MYO9A: variants seen among roughly 807,000 people sequenced by gnomAD.
The protein encoded by MYO9A is myosin IXA.
Under a neutral mutation model 293.3 loss-of-function variants are expected in MYO9A, and 103 were observed. The observed-to-expected ratio is 0.35, with a 90% CI of 0.30 to 0.41. The LOEUF is 0.41. Among genes scored for constraint, MYO9A ranks in the 10% least tolerant of loss-of-function variants. MYO9A has a pLI of 1.00. For synonymous variants in MYO9A, 1,001 were observed against 1,035.7 expected (o/e 0.97, Z 0.64); for missense variants, 2,685 against 3,033.0 (o/e 0.89, Z 2.69).
intron 27 of MYO9A, among the ~76,000 whole-genome samples, chr15:71,886,816 T>C (rs1596110015): frequency 6.6e-6 from 1 of 152,258 alleles, no homozygotes; most frequent in East Asian, 1.9e-4. Context: ...ATATATAATC[T>C]ATTATTTCCA....
chr15:71,871,967 A>AC (rs1274323675), intron 32 of MYO9A, among the ~76,000 whole-genome samples: 5 of 151,834 alleles, frequency 3.3e-5, no homozygotes, highest in African/African-American at 1.2e-4. Context: ...CTGGAATAAC[A>AC]CCAAAAAACT....
chr15:71,855,289 C>G (rs545945523), intron 34 of MYO9A, among the ~76,000 whole-genome samples: 5 of 152,304 alleles, frequency 3.3e-5, no homozygotes, highest in African/African-American at 7.2e-5. Flanking sequence ...GCACATGACA[C>G]CACGCCCAGC....
chr15:72,037,470 A>G (rs181732235), intron 2 of MYO9A, among the ~76,000 whole-genome samples: 15 of 152,208 alleles, frequency 9.9e-5, no homozygotes, highest in Admixed American at 4.6e-4. Context: ...GTAAGCAGGA[A>G]GTAAAAGGTA....
chr15:72,043,881 A>C (rs1222086805), intron 2 of MYO9A, among the ~76,000 whole-genome samples: 5 of 151,978 alleles, frequency 3.3e-5, no homozygotes, highest in Non-Finnish European at 4.4e-5. Flanking sequence ...AAGACAACAA[A>C]GTAATATTAC....
intron 1 of MYO9A, among the ~76,000 whole-genome samples, chr15:72,089,726 A>AG (rs1435751757): frequency 2.0e-5 from 3 of 152,212 alleles, no homozygotes; most frequent in Admixed American, 6.5e-5. Flanking sequence ...GGCTACAGTG[A>AG]GCCATGATCT....
At chr15:71,930,198 A>C (rs1182542883) in intron 18 of MYO9A, among the ~76,000 whole-genome samples, 1 of 152,116 alleles carries the variant, frequency 6.6e-6, no homozygotes, top group Non-Finnish European at 1.5e-5. Context: ...AATGTTCTGT[A>C]TATGTCTATT....
chr15:72,107,553 C>A (rs2080615953), intron 1 of MYO9A, among the ~76,000 whole-genome samples: 1 of 151,338 alleles, frequency 6.6e-6, no homozygotes, highest in Non-Finnish European at 1.5e-5. Context: ...TGCCCCTCCC[C>A]TCCAAAAAAT....
intron 39 of MYO9A, among the ~76,000 whole-genome samples, chr15:71,836,876 A>T (rs1420790458): frequency 3.3e-5 from 5 of 152,082 alleles, no homozygotes; most frequent in South Asian, 2.1e-4. Context: ...GTGACTAGAA[A>T]GGGAAAGAGG....
chr15:71,913,413 A>G (rs977592029), intron 19 of MYO9A, among the ~76,000 whole-genome samples: 1 of 152,192 alleles, frequency 6.6e-6, no homozygotes, highest in Non-Finnish European at 1.5e-5. Flanking sequence ...TCTCCTGAGA[A>G]AGCGTCCAGA....
intron 15 of MYO9A, among the ~76,000 whole-genome samples, chr15:71,939,660 C>T (rs551950116): frequency 7.9e-5 from 12 of 152,124 alleles, no homozygotes; most frequent in Admixed American, 3.9e-4. Flanking sequence ...GTTATAAATA[C>T]GATGAATATA....
At chr15:71,859,282 G>A (rs1264480864) in intron 34 of MYO9A, among the ~76,000 whole-genome samples, 1 of 152,154 alleles carries the variant, frequency 6.6e-6, no homozygotes, top group African/African-American at 2.4e-5. Context: ...CAAACAGTAT[G>A]TGTACAGTAT....
chr15:72,031,927 GAC>G (rs1210852295), intron 3 of MYO9A, among the ~76,000 whole-genome samples: 3 of 151,756 alleles, frequency 2.0e-5, no homozygotes, highest in Non-Finnish European at 4.4e-5. Flanking sequence ...TTTTTTGAGA[GAC>G]AGAGTCTCGC....
At chr15:71,890,960 T>C (rs181287037) in intron 26 of MYO9A, 9 of 152,346 alleles carry the variant, frequency 5.9e-5, no homozygotes, top group Admixed American at 5.9e-4. Flanking sequence ...AGATTTTATT[T>C]AGACACAATA....
At chr15:71,852,063 T>C (rs1428941917) in intron 36 of MYO9A, 69 bp downstream of exon 36, 5 of 1,467,660 alleles carry the variant, frequency 3.4e-6, no homozygotes, top group Non-Finnish European at 4.6e-6. Flanking sequence ...GGCTTGATAA[T>C]CTATACTCAA....
intron 18 of MYO9A, among the ~76,000 whole-genome samples, chr15:71,929,723 C>T (rs1287472): frequency 0.99 from 150,398 of 152,320 alleles, 74,289 homozygotes; most frequent in Middle Eastern, 1. Flanking sequence ...CTATTTACAA[C>T]AGCAAAGACT....
chr15:72,055,952 G>A (rs2078706300), intron 1 of MYO9A, among the ~76,000 whole-genome samples: 1 of 152,230 alleles, frequency 6.6e-6, no homozygotes, highest in African/African-American at 2.4e-5. Flanking sequence ...AGTAGGGCAG[G>A]TGCGGTGGCT....
intron 27 of MYO9A, among the ~76,000 whole-genome samples, chr15:71,883,961 G>A (rs2056950017): frequency 6.6e-6 from 1 of 151,616 alleles, no homozygotes; most frequent in Non-Finnish European, 1.5e-5. Flanking sequence ...ATATTCAGAT[G>A]AGGAAACATC....
At chr15:72,104,353 G>A (rs943386646) in intron 1 of MYO9A, among the ~76,000 whole-genome samples, 15 of 152,124 alleles carry the variant, frequency 9.9e-5, no homozygotes, top group Admixed American at 5.9e-4. Context: ...CTTACAATGG[G>A]TTTATCAGGA....
intron 39 of MYO9A, chr15:71,847,504 G>C: frequency 2.2e-6 from 1 of 448,410 alleles, no homozygotes; most frequent in Non-Finnish European, 4.5e-6. Context: ...AAAGCAGAAG[G>C]TTAGAATGTA....
Sources: allele counts gnomAD v4.1 joint callset (sites outside exome capture counted in the v4.1 genomes callset), GRCh38; gene constraint gnomAD v4.1.1; transcripts MANE v1.5; gene names NCBI Gene and HGNC (gene_info 2026-07-23, HGNC 2026-07-21).